The following CLVS1 variants were observed in gnomAD, a reference collection of about 807,000 sequenced individuals.
The protein encoded by CLVS1 is clavesin-1.
A neutral mutation model predicts 33.1 loss-of-function variants in CLVS1; 10 were observed. The observed-to-expected ratio is 0.30, with a 90% confidence interval of 0.19 to 0.51. The LOEUF is 0.51. Among genes scored for constraint, CLVS1 ranks in the 20% least tolerant of loss-of-function variants. The pLI, the probability that CLVS1 is intolerant of heterozygous loss-of-function variation, is 0.97. For synonymous variants in CLVS1, 163 were observed against 166.1 expected (o/e 0.98, Z 0.14); for missense variants, 343 against 433.4 (o/e 0.79, Z 1.85).
At chr8:61,410,179 T>C (rs1427252294) in intron 3 of CLVS1, among the ~76,000 whole-genome samples, 1 of 152,056 alleles carries the variant, frequency 6.6e-6, no homozygotes, top group East Asian at 1.9e-4. Context: ...TAGCTTCATT[T>C]TACACTTAAA....
chr8:61,077,994 C>A (rs1360294994), intron 1 of CLVS1, among the ~76,000 whole-genome samples: 1 of 152,186 alleles, frequency 6.6e-6, no homozygotes, highest in Non-Finnish European at 1.5e-5. Context: ...GATCAGACCT[C>A]CCCTGCTGTC....
intron 5 of CLVS1, among the ~76,000 whole-genome samples, chr8:61,483,810 A>G (rs1339275735): frequency 6.6e-6 from 1 of 152,212 alleles, no homozygotes; most frequent in African/African-American, 2.4e-5. Flanking sequence ...AAATCAATAA[A>G]CGTAATCCAT....
At chr8:61,027,085 A>C in the CLVS1 span, among the ~76,000 whole-genome samples, 1 of 152,166 alleles carries the variant, frequency 6.6e-6, no homozygotes, top group Non-Finnish European at 1.5e-5. Flanking sequence ...GCAATAAACA[A>C]TCATGTTGAG....
intron 1 of CLVS1, among the ~76,000 whole-genome samples, chr8:61,087,316 C>T (rs998919317): frequency 3.3e-5 from 5 of 152,168 alleles, no homozygotes; most frequent in African/African-American, 9.7e-5. Flanking sequence ...AAATGCATGG[C>T]GTACCACATG....
upstream of CLVS1, chr8:61,287,969 C>A: frequency 2.6e-6 from 1 of 388,186 alleles, no homozygotes; most frequent in East Asian, 7.2e-5. Context: ...CGGGCGCACA[C>A]GCCTCCTACC....
At chr8:61,344,271 T>G (rs930398268) in intron 2 of CLVS1, among the ~76,000 whole-genome samples, 1 of 152,174 alleles carries the variant, frequency 6.6e-6, no homozygotes, top group East Asian at 1.9e-4. Context: ...GGTCTTGAAC[T>G]CCTGACCTCA....
chr8:61,081,771 C>A (rs1182588085), intron 1 of CLVS1, among the ~76,000 whole-genome samples: 1 of 152,112 alleles, frequency 6.6e-6, no homozygotes, highest in Non-Finnish European at 1.5e-5. Context: ...GGTCATAGGA[C>A]AAACCATTTT....
intron 3 of CLVS1, among the ~76,000 whole-genome samples, chr8:61,382,754 C>T (rs1046717467): frequency 9.2e-5 from 14 of 152,128 alleles, no homozygotes; most frequent in African/African-American, 3.4e-4. Context: ...CACACACTTC[C>T]AGGAGATGCT....
chr8:61,435,042 C>T (rs1053036900), intron 3 of CLVS1, among the ~76,000 whole-genome samples: 1 of 152,038 alleles, frequency 6.6e-6, no homozygotes, highest in African/African-American at 2.4e-5. Flanking sequence ...CAAATAAAAC[C>T]TATCTGATGA....
Position 61,256,252 on chromosome 8 carries a change from C to T in CLVS1, c.-151-43425C>T, listed in dbSNP as rs374265996. ...TATTTTAGCCAGGCGCGGTGGCTCA[C>T]GCCTGTAATCCCAGCACCTTGGGAG... On this transcript the variant is annotated intron_variant, in intron 2 of 2. Transcript: ENST00000522621. Among the ~76,000 whole-genome samples, 75 of 152,332 alleles carry T rather than the reference C, an allele frequency of 4.9e-4. 1 individual carries two copies. In the East Asian group the frequency reaches 0.013, roughly 27 times the overall value.
chr8:61,016,881 G>A, the CLVS1 span, among the ~76,000 whole-genome samples: 1 of 152,196 alleles, frequency 6.6e-6, no homozygotes, highest in Non-Finnish European at 1.5e-5. Flanking sequence ...TGTTTAGTAC[G>A]TCTGGAAAGC....
At chr8:61,199,519 C>G (rs1807685397) in intron 2 of CLVS1, among the ~76,000 whole-genome samples, 1 of 152,148 alleles carries the variant, frequency 6.6e-6, no homozygotes, top group Non-Finnish European at 1.5e-5. Flanking sequence ...CTCAATATCA[C>G]TAATTATTAG....
chr8:61,414,354 A>G (rs1815345600), intron 3 of CLVS1, among the ~76,000 whole-genome samples: 3 of 152,008 alleles, frequency 2.0e-5, no homozygotes, highest in Non-Finnish European at 4.4e-5. Context: ...GTTATTAAAG[A>G]TGAAGAAGAC....
the CLVS1 span, among the ~76,000 whole-genome samples, chr8:60,972,538 C>T: frequency 3.3e-5 from 5 of 152,066 alleles, no homozygotes; most frequent in Admixed American, 1.3e-4. Flanking sequence ...CTGGAGGTCG[C>T]GAGATTAGCA....
chr8:61,470,290 G>A (rs534562182), intron 5 of CLVS1, among the ~76,000 whole-genome samples: 76 of 152,194 alleles, frequency 5.0e-4, no homozygotes, highest in Non-Finnish European at 1.0e-3. Context: ...TAGTTAAAAT[G>A]TTGGGTACAG....
chr8:61,028,034 T>C, the CLVS1 span, among the ~76,000 whole-genome samples: 1 of 152,188 alleles, frequency 6.6e-6, no homozygotes, highest in Non-Finnish European at 1.5e-5. Context: ...ATGAATGTGG[T>C]GTAAAAATAT....
intron 2 of CLVS1, among the ~76,000 whole-genome samples, chr8:61,302,313 C>T (rs750211630): frequency 1.3e-5 from 2 of 152,172 alleles, no homozygotes; most frequent in Admixed American, 6.6e-5. Context: ...TCATAATTAA[C>T]ATAATTAATG....
intron 2 of CLVS1, among the ~76,000 whole-genome samples, chr8:61,359,150 GC>G (rs1432748645): frequency 1.3e-5 from 2 of 152,110 alleles, no homozygotes. Context: ...TACAAATTAA[GC>G]CCTCATCATT....
intron 1 of CLVS1, among the ~76,000 whole-genome samples, chr8:61,293,593 G>A (rs1810078092): frequency 1.3e-5 from 2 of 152,150 alleles, no homozygotes; most frequent in South Asian, 4.1e-4. Context: ...TTTTGGCTTA[G>A]ATATATCAGC....
Sources: allele counts gnomAD v4.1 joint callset (sites outside exome capture counted in the v4.1 genomes callset), GRCh38; gene constraint gnomAD v4.1.1; transcripts MANE v1.5; gene names NCBI Gene and HGNC (gene_info 2026-07-23, HGNC 2026-07-21).